The following MGA variants were observed in gnomAD, a reference collection of about 807,000 sequenced individuals.
The protein encoded by MGA is MAX dimerization protein MGA.
A neutral mutation model predicts 261.1 loss-of-function variants in MGA; 40 were observed. The ratio of observed to expected loss-of-function variants is 0.15; its 90% CI spans 0.12 to 0.20. The LOEUF is 0.20. MGA is among the 10% of genes least tolerant of loss of function. MGA has a pLI of 1.00. For missense variants in MGA, 3,397 were observed against 3,630.5 expected (o/e 0.94, Z 1.65); for synonymous variants, 1,302 against 1,290.6 (o/e 1.01, Z -0.19).
upstream of MGA, among the ~76,000 whole-genome samples, chr15:41,658,317 C>A (rs1194066360): frequency 6.6e-6 from 1 of 152,126 alleles, no homozygotes; most frequent in African/African-American, 2.4e-5. Flanking sequence ...ATTCTTAAAC[C>A]TTCGGTTATA....
At chr15:41,631,491 G>A (rs574832489) in intron 1 of MGA, among the ~76,000 whole-genome samples, 7 of 152,076 alleles carry the variant, frequency 4.6e-5, no homozygotes, top group Admixed American at 3.9e-4. Context: ...AACATAGCGA[G>A]ACCCTGTCTC....
At chr15:41,649,107 G>A (rs1399354773) in intron 1 of MGA, among the ~76,000 whole-genome samples, 1 of 152,108 alleles carries the variant, frequency 6.6e-6, no homozygotes, top group East Asian at 1.9e-4. Flanking sequence ...ATACAGGCTG[G>A]GCATAGTGGC....
At chr15:41,678,091 T>TA (rs896391322) in intron 2 of MGA, among the ~76,000 whole-genome samples, 2 of 138,386 alleles carry the variant, frequency 1.4e-5, no homozygotes, top group Non-Finnish European at 3.2e-5. Context: ...CAATTTTGAA[T>TA]TTTTTTTTTT....
intron 9 of MGA, among the ~76,000 whole-genome samples, chr15:41,716,274 C>T (rs192095242): frequency 0.013 from 1,982 of 150,856 alleles, 50 homozygotes; most frequent in African/African-American, 0.046. Context: ...GGTGAAACCC[C>T]GTCTCTACTA....
intron 2 of MGA, among the ~76,000 whole-genome samples, chr15:41,675,191 T>A (rs78831183): frequency 6.6e-6 from 1 of 152,232 alleles, no homozygotes; most frequent in Non-Finnish European, 1.5e-5. Flanking sequence ...ACAGTAGGCA[T>A]ACTTTTAGTA....
At chr15:41,712,906 G>C in intron 8 of MGA, among the ~76,000 whole-genome samples, 1 of 152,154 alleles carries the variant, frequency 6.6e-6, no homozygotes, top group Non-Finnish European at 1.5e-5. Flanking sequence ...AGAACATTAT[G>C]TATAATTTAT....
chr15:41,690,782 A>G (rs941287033), intron 2 of MGA, among the ~76,000 whole-genome samples: 33 of 152,102 alleles, frequency 2.2e-4, no homozygotes, highest in African/African-American at 8.0e-4. Context: ...GAGAGGCTAA[A>G]GTGGGAGGAT....
At chr15:41,719,954 A>G (rs1371618401) in intron 9 of MGA, among the ~76,000 whole-genome samples, 1 of 152,024 alleles carries the variant, frequency 6.6e-6, no homozygotes, top group Non-Finnish European at 1.5e-5. Context: ...AACATTTTTT[A>G]TTTAAAAAAT....
In MGA at chr15:41,768,697, C is replaced by T. The variant is rs1426344456; in HGVS notation, c.*1417C>T. On this transcript the variant is annotated 3_prime_UTR_variant, in exon 24 of 24. Transcript: ENST00000219905. ...AACACTAACACAAGAGCTTCCAGTG[C>T]CTGGGCCGTGCCTAGGTGATGCTAT... 6.6e-6 allele frequency: 1 copy of T among 152,608 alleles called. No homozygotes were observed. Among genetic ancestry groups the T allele is most frequent in the Non-Finnish European group, 1.5e-5 (1 of 68,036 alleles). 9.5% of individuals were successfully genotyped at this position (152,608 alleles called of 1,614,324 possible). A position where few individuals can be genotyped will look rare whatever the true frequency, so the allele number is the denominator to read the frequency against.
chr15:41,673,581 T>G (rs1314690939), intron 2 of MGA, among the ~76,000 whole-genome samples: 1 of 149,966 alleles, frequency 6.7e-6, no homozygotes, highest in African/African-American at 2.5e-5. Context: ...TTGCTCTTGT[T>G]TTCCAGGCTG....
intron 1 of MGA, among the ~76,000 whole-genome samples, chr15:41,644,522 T>C (rs2056895616): frequency 6.6e-6 from 1 of 151,698 alleles, no homozygotes; most frequent in Admixed American, 6.6e-5. Flanking sequence ...CCAGGCATGG[T>C]GATCACGCAC....
intron 14 of MGA, among the ~76,000 whole-genome samples, chr15:41,741,093 A>C (rs1234060646): frequency 6.6e-6 from 1 of 152,174 alleles, no homozygotes; most frequent in Non-Finnish European, 1.5e-5. Flanking sequence ...TCACTCCTGT[A>C]ATTCCAGCAC....
At chr15:41,661,000 G>A (rs1038951654) in intron 1 of MGA, among the ~76,000 whole-genome samples, 2 of 152,176 alleles carry the variant, frequency 1.3e-5, no homozygotes, top group Non-Finnish European at 2.9e-5. Context: ...TGTCGGCGTC[G>A]CTTTTCTGAG....
chr15:41,701,690 G>T (rs1046647344), intron 5 of MGA, among the ~76,000 whole-genome samples: 1 of 152,138 alleles, frequency 6.6e-6, no homozygotes, highest in African/African-American at 2.4e-5. Flanking sequence ...GTAGAAGCTG[G>T]AGTGGCTATG....
upstream of MGA, among the ~76,000 whole-genome samples, chr15:41,656,055 C>T (rs1261711171): frequency 3.3e-5 from 5 of 152,078 alleles, no homozygotes; most frequent in African/African-American, 9.7e-5. Context: ...ATGCGGAAGA[C>T]ATATTAATAC....
Position 41,631,681 on chromosome 15 carries a change from AG to A in MGA, c.-68+10384del, listed in dbSNP as rs550915812. Among the ~76,000 whole-genome samples the A allele has an allele frequency of 1.6e-3, 243 of 152,270 alleles. 1 individual carries two copies. The highest frequency in any genetic ancestry group is 5.2e-3 in the African/African-American group (218 of 41,554). On this transcript the variant is annotated intron_variant, in intron 1 of 8. Coordinates refer to the MGA transcript ENST00000566718. ...GTGGAGGGGGAGAAAGAGAACCTGG[AG>A]AACAAATTTTGTGTGTGTATATGAA... is the stretch of plus-strand genomic sequence containing the variant.
intron 9 of MGA, among the ~76,000 whole-genome samples, chr15:41,719,296 C>T (rs1469372916): frequency 6.6e-6 from 1 of 152,136 alleles, no homozygotes; most frequent in Non-Finnish European, 1.5e-5. Context: ...AGAAGACACT[C>T]TTGGTAAGAT....
intron 2 of MGA, among the ~76,000 whole-genome samples, chr15:41,670,324 T>C (rs985515645): frequency 1.3e-5 from 2 of 151,764 alleles, no homozygotes; most frequent in African/African-American, 2.4e-5. Context: ...TATGACAACA[T>C]AGATGAGCCT....
rs767346928 is a variant in MGA, at chr15:41,749,300, G to C, written c.5693G>C (p.Gly1898Ala). The change falls in exon 17 of 24, where the codon GGT becomes GCT. Residue 1898 changes from glycine to alanine, a missense_variant. Coordinates refer to ENST00000219905, the MANE Select transcript of MGA (RefSeq NM_001164273.2). ...GGAGCTAGTTTTGTGTCTCAGGCTG[G>C]TACATTGACCCTGAGGATTTCTCCT... is the stretch of plus-strand genomic sequence containing the variant. 2.5e-6 allele frequency: 4 copies of C among 1,613,976 alleles called. No homozygotes were observed. The highest frequency in any genetic ancestry group is 3.4e-6 in the Non-Finnish European group (4 of 1,179,882).
Sources: allele counts gnomAD v4.1 joint callset (sites outside exome capture counted in the v4.1 genomes callset), GRCh38; gene constraint gnomAD v4.1.1; transcripts MANE v1.5; gene names NCBI Gene and HGNC (gene_info 2026-07-23, HGNC 2026-07-21).